ANKS1B: variants seen among roughly 807,000 people sequenced by gnomAD.
ANKS1B encodes the protein ankyrin repeat and sterile alpha motif domain containing 1B.
ANKS1B carries 36 observed loss-of-function variants against 148.3 expected under a neutral mutation model. The observed-to-expected ratio is 0.24, with a 90% CI of 0.19 to 0.32. ANKS1B has a LOEUF of 0.32. Ranked by LOEUF, ANKS1B falls within the 10% of genes least tolerant of loss-of-function variation. The pLI, the probability that ANKS1B is intolerant of heterozygous loss-of-function variation, is 1.00. For synonymous variants in ANKS1B, 542 were observed against 560.8 expected (o/e 0.97, Z 0.47); for missense variants, 1,157 against 1,542.6 (o/e 0.75, Z 4.19).
chr12:99,224,858 T>C (rs2085655877), intron 14 of ANKS1B, among the ~76,000 whole-genome samples: 1 of 152,184 alleles, frequency 6.6e-6, no homozygotes, highest in Admixed American at 6.5e-5. Flanking sequence ...TCATAATCTT[T>C]CTCATATGGT....
intron 8 of ANKS1B, among the ~76,000 whole-genome samples, chr12:99,745,781 T>C (rs893116689): frequency 6.6e-6 from 1 of 152,040 alleles, no homozygotes; most frequent in African/African-American, 2.4e-5. Context: ...ATTTGTCATA[T>C]AAGAAAATAT....
At chr12:99,515,535 G>C (rs2096809244) in intron 9 of ANKS1B, among the ~76,000 whole-genome samples, 1 of 152,082 alleles carries the variant, frequency 6.6e-6, no homozygotes, top group African/African-American at 2.4e-5. Flanking sequence ...TAGGTACTCT[G>C]CTGTGTATAA....
At chr12:98,884,177 A>C (rs2099728145) in intron 17 of ANKS1B, among the ~76,000 whole-genome samples, 1 of 152,236 alleles carries the variant, frequency 6.6e-6, no homozygotes, top group African/African-American at 2.4e-5. Flanking sequence ...ATCCCAAAGG[A>C]AACACTTTAC....
At chr12:99,939,992 C>T (rs1003330707) in intron 1 of ANKS1B, among the ~76,000 whole-genome samples, 1 of 152,156 alleles carries the variant, frequency 6.6e-6, no homozygotes, top group Admixed American at 6.5e-5. Flanking sequence ...AAATCATTAA[C>T]AGTTAAGACG....
At chr12:99,701,711 G>A (rs2054854935) in intron 8 of ANKS1B, among the ~76,000 whole-genome samples, 1 of 151,516 alleles carries the variant, frequency 6.6e-6, no homozygotes, top group African/African-American at 2.4e-5. Flanking sequence ...CCCAGCCTCT[G>A]GTCACCATCA....
intron 12 of ANKS1B, among the ~76,000 whole-genome samples, chr12:99,372,578 A>C (rs980554863): frequency 6.6e-6 from 1 of 152,128 alleles, no homozygotes; most frequent in Non-Finnish European, 1.5e-5. Context: ...CCTCATTTCA[A>C]ATCCTAAACA....
At chr12:99,749,040 G>C (rs73389932) in intron 8 of ANKS1B, among the ~76,000 whole-genome samples, 57 of 152,196 alleles carry the variant, frequency 3.7e-4, no homozygotes, top group African/African-American at 1.3e-3. Context: ...ACTCAAAGCT[G>C]ATTTGTACTG....
chr12:99,779,468 T>C (rs1375878848), intron 6 of ANKS1B, among the ~76,000 whole-genome samples: 1 of 152,220 alleles, frequency 6.6e-6, no homozygotes, highest in African/African-American at 2.4e-5. Flanking sequence ...TGACTTATGT[T>C]ACTTCATAGG....
At chr12:99,058,617 T>C (rs2153549294) in intron 16 of ANKS1B, among the ~76,000 whole-genome samples, 1 of 151,700 alleles carries the variant, frequency 6.6e-6, no homozygotes, top group African/African-American at 2.4e-5. Flanking sequence ...TTTTGGGGCA[T>C]AATCCACTGT....
chr12:99,523,264 T>C (rs2096893028), intron 9 of ANKS1B, among the ~76,000 whole-genome samples: 1 of 151,894 alleles, frequency 6.6e-6, no homozygotes. Flanking sequence ...GTGAGGAAAA[T>C]GGTGAGTATT....
At chr12:99,717,816 C>T (rs971492017) in intron 8 of ANKS1B, among the ~76,000 whole-genome samples, 1 of 152,126 alleles carries the variant, frequency 6.6e-6, no homozygotes, top group Non-Finnish European at 1.5e-5. Flanking sequence ...GTTTCCCTTG[C>T]CTCCAAACTG....
chr12:99,493,737 GGGAGTTTA>G (rs1354736099), intron 10 of ANKS1B, among the ~76,000 whole-genome samples: 2 of 152,114 alleles, frequency 1.3e-5, no homozygotes, highest in African/African-American at 4.8e-5. Context: ...GGAAAGATGT[GGGAGTTTA>G]GTTCTAGATA....
At chr12:99,889,071 A>G (rs759073453) in intron 1 of ANKS1B, among the ~76,000 whole-genome samples, 21 of 152,210 alleles carry the variant, frequency 1.4e-4, no homozygotes, top group Non-Finnish European at 2.1e-4. Context: ...ATTATGTGCA[A>G]GAATTATCAT....
chr12:99,026,584 A>C (rs751552270), intron 17 of ANKS1B, among the ~76,000 whole-genome samples: 1 of 150,794 alleles, frequency 6.6e-6, no homozygotes, highest in Non-Finnish European at 1.5e-5. Flanking sequence ...CTGAAGAGCT[A>C]TTTATTTTCC....
At chr12:99,548,574 TA>T (rs1290476088) in intron 9 of ANKS1B, among the ~76,000 whole-genome samples, 2 of 152,044 alleles carry the variant, frequency 1.3e-5, no homozygotes, top group African/African-American at 4.8e-5. Flanking sequence ...TTAACTTCTT[TA>T]AAAATGTAAA....
chr12:98,872,615 C>T (rs964402905), intron 17 of ANKS1B, among the ~76,000 whole-genome samples: 3 of 151,802 alleles, frequency 2.0e-5, no homozygotes, highest in Admixed American at 1.3e-4. Flanking sequence ...AACTGGTGTC[C>T]TATTGAGATT....
chr12:99,453,476 G>A (rs995539117), intron 10 of ANKS1B, among the ~76,000 whole-genome samples: 2 of 152,108 alleles, frequency 1.3e-5, no homozygotes, highest in African/African-American at 2.4e-5. Flanking sequence ...GTAAGGAGCT[G>A]AGGCCCTCAT....
At chr12:98,929,477 T>C (rs2099811885) in intron 17 of ANKS1B, among the ~76,000 whole-genome samples, 1 of 151,988 alleles carries the variant, frequency 6.6e-6, no homozygotes, top group Non-Finnish European at 1.5e-5. Flanking sequence ...CACAAAAATC[T>C]TGAGTAAGAA....
rs115221797 is a variant in ANKS1B, at chr12:99,665,156, G to A, written c.1129-9946C>T. Among the ~76,000 whole-genome samples, 747 of 152,182 alleles carry A rather than the reference G, an allele frequency of 4.9e-3. 7 individuals carry two copies. The highest frequency in any genetic ancestry group is 0.017 in the African/African-American group (689 of 41,506). On this transcript the variant is annotated intron_variant, in intron 8 of 26. Transcript: ENST00000683438. ...AAATATCGAAAATGCTAGGTCACACGGTAAATGCATCAAACTTTTTAAGAA... is the reference window on the plus strand; with the variant it reads ...AAATATCGAAAATGCTAGGTCACACAGTAAATGCATCAAACTTTTTAAGAA...
Sources: allele counts gnomAD v4.1 joint callset (sites outside exome capture counted in the v4.1 genomes callset), GRCh38; gene constraint gnomAD v4.1.1; transcripts MANE v1.5; gene names NCBI Gene and HGNC (gene_info 2026-07-23, HGNC 2026-07-21).